The following KCNT2 variants were observed in gnomAD, a reference collection of about 807,000 sequenced individuals.
The protein encoded by KCNT2 is potassium sodium-activated channel subfamily T member 2, also known as potassium channel subfamily T member 2.
Under a neutral mutation model 153.8 loss-of-function variants are expected in KCNT2, and 67 were observed. The observed-to-expected ratio is 0.44, with a 90% confidence interval of 0.36 to 0.53. KCNT2 has a LOEUF of 0.53. KCNT2 is among the 20% of genes least tolerant of loss of function. The pLI is 0.00. For synonymous variants in KCNT2, 500 were observed against 458.8 expected (o/e 1.09, Z -1.15); for missense variants, 975 against 1,354.8 (o/e 0.72, Z 4.40).
intron 12 of KCNT2, among the ~76,000 whole-genome samples, chr1:196,421,934 C>A (rs1018369300): frequency 6.6e-6 from 1 of 151,990 alleles, no homozygotes; most frequent in Non-Finnish European, 1.5e-5. Flanking sequence ...CAAATTTTCT[C>A]TTTTTATAAG....
At chr1:196,362,022 C>T (rs1252784360) in intron 14 of KCNT2, among the ~76,000 whole-genome samples, 1 of 151,842 alleles carries the variant, frequency 6.6e-6, no homozygotes, top group Non-Finnish European at 1.5e-5. Context: ...CTAGATTTGC[C>T]AGGTTACAAA....
rs186326220 is a variant in KCNT2 at position 196,311,352 on chromosome 1, T to G, written c.2483+4540A>C. On this transcript the variant is annotated intron_variant, in intron 21 of 27. Transcript: ENST00000294725. The stretch of plus-strand genomic sequence containing the variant: ...AACCTAGGGGCCAAGCATGATACAT[T>G]AACAAATCACAATTGCAGGCATGGC... Among the ~76,000 whole-genome samples the G allele has an allele frequency of 2.0e-5, 3 of 151,866 alleles. No homozygotes were observed. In the East Asian group the frequency reaches 5.8e-4, roughly 30 times the overall value.
In KCNT2 at chr1:196,227,056, C is replaced by T. The variant is rs1653544275; in HGVS notation, c.*1168G>A. On this transcript the variant is annotated 3_prime_UTR_variant, in exon 28 of 28. Transcript: ENST00000294725. ...GGTCAATTTATATTTAAATTTATAA[C>T]TCAAATTCTGCATGATTTGCATTAA... The T allele has an allele frequency of 6.6e-6, 1 of 151,952 alleles. No individual in the cohort carries two copies. The highest frequency in any genetic ancestry group is 1.5e-5 in the Non-Finnish European group (1 of 67,846). 9.4% of individuals were successfully genotyped at this position (151,952 alleles called of 1,614,324 possible).
intron 1 of KCNT2, among the ~76,000 whole-genome samples, chr1:196,597,066 ATTAG>A (rs941089343): frequency 6.6e-6 from 1 of 152,186 alleles, no homozygotes; most frequent in Non-Finnish European, 1.5e-5. Flanking sequence ...AAGAAAATAA[ATTAG>A]TTAGTCCAAT....
rs1169648332 is a variant in KCNT2 at position 196,331,084 on chromosome 1, T to A, written c.2103+72A>T. 3.3e-5 allele frequency: 27 copies of A among 823,272 alleles called. No homozygotes were observed. In the Admixed American group the frequency reaches 5.0e-4, roughly 15 times the overall value. 51.0% of individuals were successfully genotyped at this position (823,272 alleles called of 1,614,324 possible). ...TATTGTAATCAAAATGCTGTACAAA[T>A]TACTTAAATTATGTAACTATAAAAT... is the stretch of plus-strand genomic sequence containing the variant. On this transcript the variant is annotated intron_variant, in intron 18 of 27. Coordinates refer to ENST00000294725, the MANE Select transcript of KCNT2 (RefSeq NM_198503.5).
rs1371697623 is a variant in KCNT2, at chr1:196,482,276, CTG to C, written c.324+53_324+54del. On this transcript the variant is annotated intron_variant, in intron 4 of 27. Transcript: ENST00000294725. ...TCAAAAGCTCTCCAATAGTACTTCT[CTG>C]TGAAATGTGAATAAACCCAGAGATA... The C allele has an allele frequency of 1.2e-5, 14 of 1,123,096 alleles. No homozygotes were observed. In the Admixed American group the frequency reaches 1.3e-4, roughly 11 times the overall value. 69.6% of individuals were successfully genotyped at this position (1,123,096 alleles called of 1,614,324 possible).
At chr1:196,329,341 A>G (rs1410066425) in intron 18 of KCNT2, among the ~76,000 whole-genome samples, 2 of 152,060 alleles carry the variant, frequency 1.3e-5, no homozygotes, top group Non-Finnish European at 2.9e-5. Context: ...AATCAGCAAC[A>G]CCCAGAAATT....
chr1:196,576,439 C>T (rs1431547370), intron 1 of KCNT2, among the ~76,000 whole-genome samples: 1 of 151,974 alleles, frequency 6.6e-6, no homozygotes, highest in Admixed American at 6.6e-5. Context: ...ACATTCCACG[C>T]CAAACTTGTT....
At chr1:196,271,561 G>T (rs970096214) in intron 25 of KCNT2, among the ~76,000 whole-genome samples, 2 of 152,010 alleles carry the variant, frequency 1.3e-5, no homozygotes, top group African/African-American at 4.8e-5. Context: ...AATAATGAAA[G>T]TAAGAAATGC....
intron 15 of KCNT2, 42 bp from the exon 16 acceptor site, chr1:196,340,612 A>C: frequency 8.3e-7 from 1 of 1,199,048 alleles, no homozygotes; most frequent in Non-Finnish European, 1.2e-6. Flanking sequence ...AAATTAGTAA[A>C]TTATTGTAAG....
chr1:196,402,028 G>C (rs552107478), intron 12 of KCNT2, among the ~76,000 whole-genome samples: 1 of 151,308 alleles, frequency 6.6e-6, no homozygotes, highest in Admixed American at 6.6e-5. Flanking sequence ...TAGAATGAAG[G>C]AAAAAAACTA....
At chr1:196,459,497 T>G (rs1676966971) in intron 8 of KCNT2, among the ~76,000 whole-genome samples, 1 of 151,858 alleles carries the variant, frequency 6.6e-6, no homozygotes, top group African/African-American at 2.4e-5. Flanking sequence ...GATAATGCTC[T>G]GAGTATTTAA....
intron 12 of KCNT2, among the ~76,000 whole-genome samples, chr1:196,413,774 C>T (rs1394422547): frequency 6.6e-6 from 1 of 151,506 alleles, no homozygotes; most frequent in Non-Finnish European, 1.5e-5. Context: ...ATAAAGAATA[C>T]AAAATTTTAT....
At chr1:196,295,646 C>T (rs749601819) in intron 22 of KCNT2, among the ~76,000 whole-genome samples, 2 of 151,796 alleles carry the variant, frequency 1.3e-5, no homozygotes, top group African/African-American at 4.8e-5. Context: ...CTTTTAACTA[C>T]AGTATAAGTG....
chr1:196,470,185 G>T (rs1170310833), intron 5 of KCNT2, among the ~76,000 whole-genome samples: 3 of 152,178 alleles, frequency 2.0e-5, no homozygotes, highest in African/African-American at 7.2e-5. Flanking sequence ...AGATGTTACA[G>T]GTGCTGTGGT....
chr1:196,256,452 A>G (rs1373400180), intron 26 of KCNT2, among the ~76,000 whole-genome samples: 1 of 152,034 alleles, frequency 6.6e-6, no homozygotes, highest in Non-Finnish European at 1.5e-5. Context: ...AAAAAACTTA[A>G]TCAACAACAG....
At chr1:196,594,396 A>G (rs1228325218) in intron 1 of KCNT2, among the ~76,000 whole-genome samples, 2 of 152,026 alleles carry the variant, frequency 1.3e-5, no homozygotes, top group Non-Finnish European at 2.9e-5. Context: ...AATTCAAATG[A>G]CTCATTTTTA....
intron 18 of KCNT2, among the ~76,000 whole-genome samples, chr1:196,328,333 GA>G: frequency 6.6e-6 from 1 of 151,106 alleles, no homozygotes; most frequent in East Asian, 1.9e-4. Context: ...AGGCAGAGAA[GA>G]AAAAAAACAG....
At chr1:196,307,727 C>T (rs1661769850) in intron 21 of KCNT2, among the ~76,000 whole-genome samples, 1 of 151,974 alleles carries the variant, frequency 6.6e-6, no homozygotes, top group Non-Finnish European at 1.5e-5. Flanking sequence ...TTTAGCAGCT[C>T]TATTCTCACT....
Sources: gnomAD v4.1 joint callset for allele counts (sites outside exome capture counted in the v4.1 genomes callset) on GRCh38, gnomAD v4.1.1 for gene constraint, MANE v1.5 for transcripts, NCBI Gene and HGNC (gene_info 2026-07-23, HGNC 2026-07-21) for gene names.